The following BLVRA variants were observed in gnomAD, a reference collection of about 807,000 sequenced individuals.
BLVRA encodes BVR A.
Under a neutral mutation model 32.8 loss-of-function variants are expected in BLVRA, and 22 were observed. That is an observed-to-expected ratio of 0.67 (90% CI 0.48 to 0.96). The LOEUF is 0.96. Ranked by LOEUF, BLVRA falls within the 40% of genes least tolerant of loss-of-function variation. The pLI, the probability that BLVRA is intolerant of heterozygous loss-of-function variation, is 0.00. For synonymous variants in BLVRA, 119 were observed against 141.3 expected, an observed-to-expected ratio of 0.84 and a Z score of 1.12; for missense variants, 323 against 358.1, an observed-to-expected ratio of 0.90 and a Z score of 0.79.
chr7:43,791,220 A>G (rs756204873), intron 3 of BLVRA, 29 bp from the exon 4 acceptor site: 5 of 1,613,598 alleles, frequency 3.1e-6, no homozygotes, highest in Non-Finnish European at 3.4e-6. Context: ...TCTACCATTG[A>G]GTTCCATTTC....
intron 2 of BLVRA, among the ~76,000 whole-genome samples, chr7:43,784,917 A>G (rs1407909098): frequency 1.3e-5 from 2 of 152,048 alleles, no homozygotes; most frequent in African/African-American, 2.4e-5. Flanking sequence ...CCTTTCACCC[A>G]TATCTTGTCC....
At chr7:43,773,822 A>G (rs2132554638) in intron 2 of BLVRA, among the ~76,000 whole-genome samples, 1 of 152,238 alleles carries the variant, frequency 6.6e-6, no homozygotes, top group South Asian at 2.1e-4. Context: ...CTTTTTAATG[A>G]TCACCATTCT....
At chr7:43,783,714 C>T (rs1414709649) in intron 2 of BLVRA, among the ~76,000 whole-genome samples, 2 of 152,142 alleles carry the variant, frequency 1.3e-5, no homozygotes, top group Admixed American at 1.3e-4. Flanking sequence ...TAAATATTTC[C>T]AAGTTGCTCT....
Position 43,787,811 on chromosome 7 carries a change from G to C in BLVRA, c.13-93G>C. The stretch of plus-strand genomic sequence containing the variant: ...TGTGTTTTGGGCTGGCTTCCATCTT[G>C]CTCGTCGGGACCCTGCCAGCTCCTT... On this transcript the variant is annotated intron_variant, in intron 2 of 7. Transcript: ENST00000265523. The surrounding 1 kb of genome is among the most constrained non-coding windows in gnomAD (Gnocchi z 4.5). 6.3e-7 allele frequency: 1 copy of C among 1,598,996 alleles called. No individual in the cohort carries two copies. The highest frequency in any genetic ancestry group is 8.6e-7 in the Non-Finnish European group (1 of 1,166,876).
At chr7:43,806,402 G>A (rs578190126) in intron 7 of BLVRA, among the ~76,000 whole-genome samples, 2 of 152,136 alleles carry the variant, frequency 1.3e-5, no homozygotes, top group East Asian at 1.9e-4. Context: ...AATCTTTGTT[G>A]CCATCTCCCA....
chr7:43,771,049 G>A lies in BLVRA; in HGVS notation c.-21-89G>A, dbSNP rs1377062285. ...TGAGAATGATGGGACAGGAAGCAGT[G>A]GGGGAGCATGGGGTGGCAAAGGGGA... On this transcript the variant is annotated intron_variant, in intron 1 of 7. Transcript: ENST00000265523. The A allele has an allele frequency of 4.6e-6, 5 of 1,096,128 alleles. No homozygotes were observed. In the African/African-American group the frequency reaches 4.6e-5, roughly 10 times the overall value. 67.9% of individuals were successfully genotyped at this position (1,096,128 alleles called of 1,614,324 possible).
chr7:43,793,348 T>C (rs543245377), intron 5 of BLVRA, among the ~76,000 whole-genome samples: 1 of 151,874 alleles, frequency 6.6e-6, no homozygotes, highest in African/African-American at 2.4e-5. Context: ...TAGAAAAATA[T>C]GGCTCAAAGA....
At chr7:43,788,803 AT>A (rs764196616) in intron 3 of BLVRA, among the ~76,000 whole-genome samples, 6,948 of 139,508 alleles carry the variant, frequency 0.05, 385 homozygotes, top group African/African-American at 0.15. Flanking sequence ...CGCCTGGATA[AT>A]TTTTTTTTTT....
At chr7:43,806,503 A>ATTACC (rs2095804158) in intron 7 of BLVRA, among the ~76,000 whole-genome samples, 2 of 152,206 alleles carry the variant, frequency 1.3e-5, no homozygotes, top group South Asian at 4.1e-4. Flanking sequence ...GCAGTTTGGG[A>ATTACC]GGCCAAGGCA....
intron 1 of BLVRA, among the ~76,000 whole-genome samples, chr7:43,765,494 C>T (rs1041298128): frequency 1.3e-5 from 2 of 152,126 alleles, no homozygotes; most frequent in Non-Finnish European, 2.9e-5. Flanking sequence ...TCAAGTGATC[C>T]GCCCGCCTCG....
intron 1 of BLVRA, among the ~76,000 whole-genome samples, chr7:43,764,489 T>C (rs944534793): frequency 3.9e-5 from 6 of 152,164 alleles, no homozygotes; most frequent in Admixed American, 1.3e-4. Context: ...TATATTAAGA[T>C]CACTTTCAGT....
At position 43,780,471 on chromosome 7, in the gene BLVRA, G is replaced by A. The variant is rs897102834; in HGVS notation, c.13-7433G>A. On this transcript the variant is annotated intron_variant, in intron 2 of 7. Transcript: ENST00000265523. ...GGTACTCATGCTCATGGAACTTATC[G>A]CTAAGTGGGACCACCATATCTTTCC... Among the ~76,000 whole-genome samples the A allele has an allele frequency of 4.6e-5, 7 of 152,244 alleles. No individual in the cohort carries two copies. In the South Asian group the frequency reaches 8.3e-4, roughly 18 times the overall value.
chr7:43,805,816 C>T (rs1271992533), intron 7 of BLVRA, among the ~76,000 whole-genome samples: 1 of 152,086 alleles, frequency 6.6e-6, no homozygotes, highest in Non-Finnish European at 1.5e-5. Context: ...AGGCCGGTCT[C>T]AAATTCCTGG....
At chr7:43,782,325 CAGA>C (rs1477394604) in intron 2 of BLVRA, among the ~76,000 whole-genome samples, 9 of 152,176 alleles carry the variant, frequency 5.9e-5, no homozygotes, top group East Asian at 1.9e-4. Flanking sequence ...GGGAGAAAGA[CAGA>C]AGAAGGACCA....
chr7:43,787,955 G>T lies in BLVRA; in HGVS notation c.64G>T (p.Val22Leu). 6.2e-7 allele frequency: 1 copy of T among 1,614,214 alleles called. No individual in the cohort carries two copies. Among genetic ancestry groups the T allele is most frequent in the Non-Finnish European group, 8.5e-7 (1 of 1,180,044 alleles). ...GGTTGGTGTTGGCCGAGCCGGCTCC[G>T]TGCGGATGAGGGACTTGCGGAATCC... ...VVVGVGRAGS[V>L]RMRDLRNPHP... The change falls in exon 3 of 8, where the codon GTG becomes TTG. Residue 22 changes from valine (V) to leucine (L), a missense_variant. Coordinates refer to ENST00000265523, the MANE Select transcript of BLVRA (RefSeq NM_000712.4). This position sits in a 1 kb window ranked among gnomAD's most constrained non-coding sequence, Gnocchi z 4.5.
chr7:43,791,410 G>A, intron 4 of BLVRA, 42 bp downstream of exon 4: 1 of 1,611,868 alleles, frequency 6.2e-7, no homozygotes, highest in Non-Finnish European at 8.5e-7. Context: ...ACACAGCAGT[G>A]CAGTACTGCA....
Position 43,803,802 on chromosome 7 carries a change from A to G in BLVRA, c.587A>G (p.Asp196Gly). The change falls in exon 7 of 8, where the codon GAT becomes GGT. Residue 196 changes from aspartate (D) to glycine (G), a missense_variant. Coordinates refer to ENST00000265523, the MANE Select transcript of BLVRA (RefSeq NM_000712.4). ...VSATLEERKE[D>G]QYMKMTVCLE... ...GCCACTTTGGAAGAGCGAAAGGAAG[A>G]TCAGTATATGAAAATGACAGTGTGT... The G allele has an allele frequency of 1.2e-6, 2 of 1,614,182 alleles. No individual in the cohort carries two copies. The highest frequency in any genetic ancestry group is 1.7e-6 in the Non-Finnish European group (2 of 1,180,006).
rs1215245522 is a variant in BLVRA at position 43,791,379 on chromosome 7, C to T, written c.254+11C>T. 6.2e-7 allele frequency: 1 copy of T among 1,613,988 alleles called. No homozygotes were observed. The highest frequency in any genetic ancestry group is 1.3e-5 in the African/African-American group (1 of 74,920). On this transcript the variant is annotated intron_variant, in intron 4 of 7. Transcript: ENST00000265523. ...TGAGGACTACATCAGGTGGGTTTTC[C>T]ACACAGGCAGTCCTTGCCTTACACA...
chr7:43,790,031 G>A (rs2095783604), intron 3 of BLVRA, among the ~76,000 whole-genome samples: 1 of 152,016 alleles, frequency 6.6e-6, no homozygotes, highest in African/African-American at 2.4e-5. Context: ...ATTTAGTTTG[G>A]GTGGCCCCAT....
Sources: gnomAD v4.1 joint callset for allele counts (sites outside exome capture counted in the v4.1 genomes callset) on GRCh38, gnomAD v4.1.1 for gene constraint, Gnocchi (gnomAD v3.1) non-coding constraint, MANE v1.5 for transcripts, NCBI Gene and HGNC (gene_info 2026-07-23, HGNC 2026-07-21) for gene names.